The following RALYL variants were observed in gnomAD, a reference collection of about 807,000 sequenced individuals.
The protein encoded by RALYL is RNA-binding Raly-like protein.
A neutral mutation model predicts 35.1 loss-of-function variants in RALYL; 29 were observed. The observed-to-expected ratio is 0.83, with a 90% confidence interval of 0.61 to 1.13. The LOEUF (loss-of-function observed/expected upper bound fraction) is 1.13, where lower values mean the gene tolerates loss of function less well. Among genes scored for constraint, RALYL ranks in the 50% most tolerant of loss-of-function variants. The probability of loss-of-function intolerance (pLI) is 0.00; values close to 1 mark genes in which losing one functional copy is unlikely to be tolerated. For missense variants in RALYL, 359 were observed against 360.4 expected (o/e 1.00, Z 0.03); for synonymous variants, 120 against 127.6 (o/e 0.94, Z 0.40).
intron 3 of RALYL, among the ~76,000 whole-genome samples, chr8:84,802,406 A>ACTT (rs571621075): frequency 6.6e-6 from 1 of 152,176 alleles, no homozygotes; most frequent in South Asian, 2.1e-4. Context: ...CATTTTGAAA[A>ACTT]CTTTGAATTT....
intron 1 of RALYL, among the ~76,000 whole-genome samples, chr8:84,489,483 GA>G (rs2134009899): frequency 6.6e-6 from 1 of 152,178 alleles, no homozygotes; most frequent in Non-Finnish European, 1.5e-5. Context: ...AACAGTTATT[GA>G]AAACTTACTG....
intron 1 of RALYL, among the ~76,000 whole-genome samples, chr8:84,405,359 C>T (rs1250715276): frequency 6.6e-6 from 1 of 152,046 alleles, no homozygotes; most frequent in Non-Finnish European, 1.5e-5. Context: ...TAATTAAGAT[C>T]AGAGCATTAC....
intron 6 of RALYL, chr8:84,872,422 A>G (rs1270682937): frequency 6.6e-6 from 1 of 151,740 alleles, no homozygotes; most frequent in African/African-American, 2.4e-5. Context: ...TTTTACAAAT[A>G]TAAACATATT....
At chr8:84,238,760 A>G (rs527590496) in intron 1 of RALYL, among the ~76,000 whole-genome samples, 1 of 152,290 alleles carries the variant, frequency 6.6e-6, no homozygotes, top group African/African-American at 2.4e-5. Flanking sequence ...CAAGCTTAGT[A>G]GGAGTCAGCA....
At chr8:84,399,382 T>TA in intron 1 of RALYL, among the ~76,000 whole-genome samples, 1 of 152,154 alleles carries the variant, frequency 6.6e-6, no homozygotes. Flanking sequence ...TCCATGTCCT[T>TA]AAAGACTACC....
chr8:84,578,956 C>T (rs1315656886), intron 2 of RALYL, among the ~76,000 whole-genome samples: 5 of 152,258 alleles, frequency 3.3e-5, no homozygotes, highest in South Asian at 2.1e-4. Context: ...ACTGATAGCT[C>T]GGCCCACAGG....
At chr8:84,800,681 T>TA (rs2133964236) in intron 3 of RALYL, among the ~76,000 whole-genome samples, 1 of 152,264 alleles carries the variant, frequency 6.6e-6, no homozygotes, top group South Asian at 2.1e-4. Context: ...AATTACCTTG[T>TA]AAAAAAATCT....
At chr8:84,530,115 A>G (rs1227015102) in intron 2 of RALYL, among the ~76,000 whole-genome samples, 1 of 152,178 alleles carries the variant, frequency 6.6e-6, no homozygotes, top group Non-Finnish European at 1.5e-5. Context: ...TAATAATCAG[A>G]TTTCTGTCTA....
chr8:84,765,712 A>G (rs948412101), intron 2 of RALYL, among the ~76,000 whole-genome samples: 21 of 152,070 alleles, frequency 1.4e-4, no homozygotes, highest in African/African-American at 4.8e-4. Context: ...CTGAATTTTT[A>G]TTCAATGGAA....
At chr8:84,353,756 G>A (rs192797151) in intron 1 of RALYL, among the ~76,000 whole-genome samples, 1 of 150,414 alleles carries the variant, frequency 6.6e-6, no homozygotes, top group East Asian at 1.9e-4. Context: ...AGGACTGGGA[G>A]TTGTTTCTCT....
At chr8:84,313,985 G>A (rs771461180) in intron 1 of RALYL, among the ~76,000 whole-genome samples, 1 of 152,098 alleles carries the variant, frequency 6.6e-6, no homozygotes, top group Non-Finnish European at 1.5e-5. Flanking sequence ...CCTGAAACTG[G>A]GTAATTTATA....
chr8:84,438,013 T>C (rs1370072274), intron 1 of RALYL, among the ~76,000 whole-genome samples: 1 of 152,186 alleles, frequency 6.6e-6, no homozygotes, highest in African/African-American at 2.4e-5. Context: ...CAATTAGTGA[T>C]GTTGAACAAT....
intron 1 of RALYL, among the ~76,000 whole-genome samples, chr8:84,215,144 A>G (rs1240105676): frequency 7.2e-5 from 11 of 152,056 alleles, no homozygotes; most frequent in Non-Finnish European, 7.4e-5. Context: ...AGAGTTTTAC[A>G]AGAAAAAACA....
At chr8:84,592,475 A>G (rs1813518124) in intron 2 of RALYL, among the ~76,000 whole-genome samples, 1 of 152,158 alleles carries the variant, frequency 6.6e-6, no homozygotes, top group Non-Finnish European at 1.5e-5. Flanking sequence ...TCCAAAATAT[A>G]TAGTTTAAAT....
At chr8:84,654,708 T>C (rs1829616379) in intron 2 of RALYL, among the ~76,000 whole-genome samples, 1 of 152,112 alleles carries the variant, frequency 6.6e-6, no homozygotes. Context: ...CTGGCTTATG[T>C]CACTTAATGT....
intron 1 of RALYL, among the ~76,000 whole-genome samples, chr8:84,264,575 T>C (rs909382001): frequency 3.3e-5 from 5 of 151,942 alleles, no homozygotes; most frequent in Non-Finnish European, 7.4e-5. Flanking sequence ...ACTCTGATGA[T>C]AGTTTCTTTG....
At chr8:84,486,727 G>T (rs1056463860) in intron 1 of RALYL, among the ~76,000 whole-genome samples, 5 of 151,940 alleles carry the variant, frequency 3.3e-5, no homozygotes, top group Admixed American at 1.3e-4. Context: ...TGGTTACATT[G>T]AAAGTGAAAT....
intron 2 of RALYL, among the ~76,000 whole-genome samples, chr8:84,646,883 T>C (rs1416140460): frequency 6.6e-6 from 1 of 152,082 alleles, no homozygotes; most frequent in Non-Finnish European, 1.5e-5. Flanking sequence ...TTTTGGTATT[T>C]GTATTGAACT....
At chr8:84,289,934 C>A (rs1029202314) in intron 1 of RALYL, among the ~76,000 whole-genome samples, 8 of 152,044 alleles carry the variant, frequency 5.3e-5, no homozygotes, top group African/African-American at 1.9e-4. Context: ...CCACTAGATT[C>A]CTTAGTTTTG....
Sources: allele counts gnomAD v4.1 joint callset (sites outside exome capture counted in the v4.1 genomes callset), GRCh38; gene constraint gnomAD v4.1.1; transcripts MANE v1.5; gene names NCBI Gene and HGNC (gene_info 2026-07-23, HGNC 2026-07-21).